KLHL32: variants seen among roughly 807,000 people sequenced by gnomAD.
The protein encoded by KLHL32 is kelch-like protein 32.
In KLHL32, 35 loss-of-function variants were observed where a neutral mutation model predicts 64.8. The observed-to-expected ratio is 0.54, with a 90% CI of 0.41 to 0.72. The LOEUF is 0.72. Ranked by LOEUF, KLHL32 falls within the 30% of genes least tolerant of loss-of-function variation. KLHL32 has a pLI of 0.00. For synonymous variants in KLHL32, 259 were observed against 281.0 expected (o/e 0.92, Z 0.78); for missense variants, 589 against 768.5 (o/e 0.77, Z 2.76).
intron 1 of KLHL32, among the ~76,000 whole-genome samples, chr6:96,950,559 A>G (rs1054845808): frequency 2.0e-5 from 3 of 152,114 alleles, no homozygotes; most frequent in African/African-American, 7.2e-5. Flanking sequence ...ACTCCTTTAC[A>G]TGCATTCCTG....
At chr6:96,983,013 G>A (rs1180593843) in intron 3 of KLHL32, among the ~76,000 whole-genome samples, 2 of 152,234 alleles carry the variant, frequency 1.3e-5, no homozygotes, top group African/African-American at 4.8e-5. Flanking sequence ...ATTGGCCGTG[G>A]GTTTGTGATA....
intron 6 of KLHL32, among the ~76,000 whole-genome samples, chr6:97,105,281 T>A (rs1796252666): frequency 6.6e-6 from 1 of 152,194 alleles, no homozygotes; most frequent in Non-Finnish European, 1.5e-5. Context: ...AGGAAAAGAT[T>A]CGTCTATGCA....
At chr6:96,967,197 C>G in intron 2 of KLHL32, 114 bp downstream of exon 2, 1 of 871,494 alleles carries the variant, frequency 1.1e-6, no homozygotes, top group Non-Finnish European at 1.8e-6. Flanking sequence ...AAGGAATCAT[C>G]AAACTAGTCA....
At position 97,114,119 on chromosome 6, in the gene KLHL32, G is replaced by C. The variant is rs779586948; in HGVS notation, c.964G>C (p.Ala322Pro). The change falls in exon 7 of 11, where the codon GCC becomes CCC. Residue 322 changes from alanine (A) to proline (P), a missense_variant. Physicochemically the swap from Ala to Pro is conservative, Grantham distance 27 (BLOSUM62 -1). Transcript: ENST00000369261. ...TGATCAGGAGAATGCTCTCATAGCT[G>C]CCATTGCCAACTGGAGTGAGCTGGC... ...PVDQENALIA[A>P]IANWSELAPM... 44 of 1,614,082 alleles carry C rather than the reference G, an allele frequency of 2.7e-5. No homozygotes were observed. The highest frequency in any genetic ancestry group is 3.6e-5 in the Non-Finnish European group (42 of 1,180,052).
At chr6:96,928,168 A>T (rs1340571400) in intron 1 of KLHL32, among the ~76,000 whole-genome samples, 2 of 152,200 alleles carry the variant, frequency 1.3e-5, no homozygotes, top group Non-Finnish European at 2.9e-5. Flanking sequence ...CAGGGAAAAA[A>T]TTTTAAATGT....
chr6:97,117,076 T>C (rs993078534), intron 7 of KLHL32, among the ~76,000 whole-genome samples: 3 of 152,156 alleles, frequency 2.0e-5, no homozygotes, highest in African/African-American at 7.2e-5. Flanking sequence ...TCTGCCTCTT[T>C]CCTCAGGCCC....
At chr6:97,014,032 C>T (rs186934534) in intron 3 of KLHL32, among the ~76,000 whole-genome samples, 3 of 152,146 alleles carry the variant, frequency 2.0e-5, no homozygotes, top group South Asian at 2.1e-4. Flanking sequence ...TTTGGCCGGG[C>T]GCCGTGGCTC....
intron 3 of KLHL32, among the ~76,000 whole-genome samples, chr6:97,008,932 A>G (rs535076388): frequency 2.0e-5 from 3 of 151,922 alleles, no homozygotes; most frequent in South Asian, 2.1e-4. Flanking sequence ...CCGCATTTTT[A>G]TAGGATAATT....
At chr6:97,025,842 G>A (rs1001532926) in intron 3 of KLHL32, among the ~76,000 whole-genome samples, 5 of 152,270 alleles carry the variant, frequency 3.3e-5, no homozygotes, top group African/African-American at 1.2e-4. Flanking sequence ...ACTTCACAGA[G>A]TTGTGAAAAT....
At chr6:97,097,329 T>TG (rs1471653079) in intron 6 of KLHL32, among the ~76,000 whole-genome samples, 3 of 152,160 alleles carry the variant, frequency 2.0e-5, no homozygotes, top group African/African-American at 7.2e-5. Flanking sequence ...TTCTGACCCT[T>TG]TAACTAGAGG....
In KLHL32 at chr6:97,130,781, A is replaced by G; in HGVS notation, c.1438A>G (p.Met480Val). The G allele has an allele frequency of 1.2e-6, 2 of 1,613,834 alleles. No homozygotes were observed. The highest frequency in any genetic ancestry group is 1.7e-6 in the Non-Finnish European group (2 of 1,179,862). ...NQNKWISRSP[M>V]LQRRVYHSMA... ...GAATAAGTGGATAAGCCGTAGCCCC[A>G]TGCTGCAGAGAAGGGTCTACCATTC... is the stretch of plus-strand genomic sequence containing the variant. The change falls in exon 9 of 11, where the codon ATG becomes GTG. Residue 480 changes from methionine to valine, a missense_variant. Met to Val is a conservative substitution (Grantham distance 21). Around this residue, in one of 3 missense-constraint regions of KLHL32, gnomAD observed 172 missense variants for 192.0 expected, o/e 0.90. Transcript: ENST00000369261.
intron 3 of KLHL32, among the ~76,000 whole-genome samples, chr6:96,993,438 A>G (rs1002696032): frequency 6.6e-6 from 1 of 152,200 alleles, no homozygotes; most frequent in African/African-American, 2.4e-5. Flanking sequence ...AGAACACAAG[A>G]GGACCAGCCT....
chr6:97,063,655 A>G (rs1459276989), intron 4 of KLHL32, among the ~76,000 whole-genome samples: 1 of 152,226 alleles, frequency 6.6e-6, no homozygotes, highest in African/African-American at 2.4e-5. Context: ...AGAGCCACTC[A>G]GGACACTTGT....
chr6:96,991,362 T>C (rs1193918032), intron 3 of KLHL32, among the ~76,000 whole-genome samples: 1 of 151,766 alleles, frequency 6.6e-6, no homozygotes, highest in African/African-American at 2.4e-5. Flanking sequence ...GAAGAGACAT[T>C]GGGTTTCTCT....
At chr6:97,093,346 C>G (rs1269635991) in intron 6 of KLHL32, among the ~76,000 whole-genome samples, 1 of 152,082 alleles carries the variant, frequency 6.6e-6, no homozygotes, top group Non-Finnish European at 1.5e-5. Context: ...CTCTCATCAC[C>G]CTTGTTAAGG....
In KLHL32 at chr6:97,135,873, A is replaced by G. The variant is rs138543658; in HGVS notation, c.1701+3126A>G. 1.4e-3 allele frequency among the ~76,000 whole-genome samples: 213 copies of G among 152,318 alleles called. 1 individual carries two copies. Among genetic ancestry groups the G allele is most frequent in the African/African-American group, 5.1e-3 (210 of 41,576 alleles). ...GTTGGAGAGAATAGCTACATGTTCAAAAGTAGGCCACTTCTTTACTACTTA... is the reference window on the plus strand; with the variant it reads ...GTTGGAGAGAATAGCTACATGTTCAGAAGTAGGCCACTTCTTTACTACTTA... On this transcript the variant is annotated intron_variant, in intron 10 of 10. Transcript: ENST00000369261.
At chr6:97,033,204 A>T (rs1582786920) in intron 3 of KLHL32, among the ~76,000 whole-genome samples, 1 of 152,166 alleles carries the variant, frequency 6.6e-6, no homozygotes, top group Admixed American at 6.5e-5. Flanking sequence ...TCACTGTATT[A>T]TGATATTTGC....
intron 7 of KLHL32, among the ~76,000 whole-genome samples, chr6:97,123,460 G>T (rs545720233): frequency 6.6e-6 from 1 of 152,162 alleles, no homozygotes; most frequent in South Asian, 2.1e-4. Context: ...CATTCCTTCT[G>T]GCAGTTTTTA....
intron 3 of KLHL32, among the ~76,000 whole-genome samples, chr6:96,996,699 G>A (rs1778455791): frequency 6.6e-6 from 1 of 151,890 alleles, no homozygotes; most frequent in African/African-American, 2.4e-5. Flanking sequence ...ACATTCTCAA[G>A]CAATAACAAT....
Sources: allele counts gnomAD v4.1 joint callset (sites outside exome capture counted in the v4.1 genomes callset), GRCh38; gene constraint gnomAD v4.1.1; regional missense constraint gnomAD v4.1.1; transcripts MANE v1.5; gene names NCBI Gene and HGNC (gene_info 2026-07-23, HGNC 2026-07-21).